The following NECTIN2 variants were observed in gnomAD, a reference collection of about 807,000 sequenced individuals.
NECTIN2 encodes the protein nectin-2.
Under a neutral mutation model 56.9 loss-of-function variants are expected in NECTIN2, and 23 were observed. The observed-to-expected ratio is 0.40, with a 90% confidence interval of 0.29 to 0.57. NECTIN2 has a LOEUF of 0.57. NECTIN2 is among the 20% of genes least tolerant of loss of function. The pLI, the probability that NECTIN2 is intolerant of heterozygous loss-of-function variation, is 0.38. For missense variants in NECTIN2, 587 were observed against 718.3 expected (o/e 0.82, Z 2.09); for synonymous variants, 302 against 313.8 (o/e 0.96, Z 0.40).
chr19:44,878,784 T>G, intron 5 of NECTIN2: 1 of 1,415,338 alleles, frequency 7.1e-7, no homozygotes, highest in Non-Finnish European at 9.2e-7. Context: ...AACAGCACAC[T>G]GGACTTCTCC....
chr19:44,877,200 C>T (rs1426665832), intron 5 of NECTIN2, among the ~76,000 whole-genome samples: 2 of 152,148 alleles, frequency 1.3e-5, no homozygotes, highest in Non-Finnish European at 2.9e-5. Flanking sequence ...CTTCCTGGGT[C>T]TCAGCCCCTC....
rs112407633 is a variant in NECTIN2 at position 44,876,473 on chromosome 19, A to G, written c.1042+1995A>G. 1.8e-3 allele frequency among the ~76,000 whole-genome samples: 273 copies of G among 152,242 alleles called. 1 individual carries two copies. The highest frequency in any genetic ancestry group is 6.3e-3 in the African/African-American group (262 of 41,540). ...CACCCCCAGCCAATAACACCATTAC[A>G]AAGACACGTGCCTTCAGATAATGCC... On this transcript the variant is annotated intron_variant, in intron 5 of 8. Coordinates refer to ENST00000252483, the MANE Select transcript of NECTIN2 (RefSeq NM_001042724.2).
At position 44,887,805 on chromosome 19, in the gene NECTIN2, T is replaced by TA. The variant is rs541037973; in HGVS notation, c.1348-304dup. ...TGCGCTCAAGGTTCAAAGGACTGTT[T>TA]AGAGCCCAAGGTTAAGTATTTGAGG... On this transcript the variant is annotated intron_variant, in intron 8 of 8. Transcript: ENST00000252483. Among the ~76,000 whole-genome samples, 13 of 152,274 alleles carry TA rather than the reference T, an allele frequency of 8.5e-5. No homozygotes were observed. In the East Asian group the frequency reaches 1.3e-3, roughly 16 times the overall value.
At chr19:44,881,953 G>T in intron 5 of NECTIN2, 1 of 335,860 alleles carries the variant, frequency 3.0e-6, no homozygotes, top group Non-Finnish European at 5.4e-6. Context: ...GCTTACTGTT[G>T]TTCTCCCTGC....
chr19:44,856,607 C>A (rs767598874), intron 1 of NECTIN2, among the ~76,000 whole-genome samples: 1 of 152,188 alleles, frequency 6.6e-6, no homozygotes, highest in South Asian at 2.1e-4. Context: ...GCCTTCCCCC[C>A]TTGCCTAGCT....
chr19:44,851,847 C>T (rs1968902636), intron 1 of NECTIN2, among the ~76,000 whole-genome samples: 1 of 152,230 alleles, frequency 6.6e-6, no homozygotes, highest in Non-Finnish European at 1.5e-5. Flanking sequence ...GACCAACCTC[C>T]TGGCTGTATC....
rs1969177054 is a variant in NECTIN2 at position 44,871,806 on chromosome 19, ATGAC to A, written c.479-44_479-41del. On this transcript the variant is annotated intron_variant, in intron 2 of 8. Transcript: ENST00000252483. ...TGCTCCTCTGCTGAGTGTTTGTTGA[ATGAC>A]TGCCGGTGAGGAGTGACGCACCCCC... 3 of 1,579,224 alleles carry A rather than the reference ATGAC, an allele frequency of 1.9e-6. No homozygotes were observed. In the African/African-American group the frequency reaches 4.1e-5, roughly 21 times the overall value.
intron 1 of NECTIN2, among the ~76,000 whole-genome samples, chr19:44,858,388 C>T (rs1368164029): frequency 6.6e-6 from 1 of 152,018 alleles, no homozygotes; most frequent in African/African-American, 2.4e-5. Flanking sequence ...TTCTATCGCC[C>T]ATGTTGGAGT....
intron 3 of NECTIN2, 104 bp downstream of exon 3, chr19:44,872,253 G>A: frequency 7.7e-7 from 1 of 1,298,868 alleles, no homozygotes; most frequent in Non-Finnish European, 1.1e-6. Flanking sequence ...TGGGTTCCCT[G>A]AAGCCAAATT....
At chr19:44,857,175 C>T (rs942235457) in intron 1 of NECTIN2, among the ~76,000 whole-genome samples, 4 of 151,264 alleles carry the variant, frequency 2.6e-5, no homozygotes, top group Non-Finnish European at 5.9e-5. Flanking sequence ...ATGGCCACCC[C>T]GGAGTGTGGA....
chr19:44,878,709 G>A (rs1361642093), intron 5 of NECTIN2: 2 of 1,506,420 alleles, frequency 1.3e-6, no homozygotes, highest in East Asian at 2.3e-5. Flanking sequence ...GGTTGGACTT[G>A]TTCGTCTGGA....
At chr19:44,870,306 G>A (rs1475830696) in intron 2 of NECTIN2, among the ~76,000 whole-genome samples, 4 of 152,142 alleles carry the variant, frequency 2.6e-5, no homozygotes, top group Non-Finnish European at 4.4e-5. Context: ...AGCTTGGAGG[G>A]CGGCCAGGAG....
chr19:44,862,272 G>C (rs949593118), intron 1 of NECTIN2, among the ~76,000 whole-genome samples: 9 of 151,486 alleles, frequency 5.9e-5, no homozygotes, highest in East Asian at 1.9e-4. Flanking sequence ...AAAATTCACT[G>C]TGTGTGGTGG....
chr19:44,867,895 A>C (rs1256930567), intron 2 of NECTIN2, among the ~76,000 whole-genome samples: 1 of 152,002 alleles, frequency 6.6e-6, no homozygotes, highest in Non-Finnish European at 1.5e-5. Flanking sequence ...ATGAGGAGTG[A>C]TTGGAGGAGT....
At chr19:44,866,009 C>A (rs189381088) in intron 2 of NECTIN2, among the ~76,000 whole-genome samples, 41 of 152,018 alleles carry the variant, frequency 2.7e-4, no homozygotes, top group African/African-American at 9.6e-4. Flanking sequence ...CCTGTCTCTA[C>A]GAAAAATAAA....
intron 3 of NECTIN2, among the ~76,000 whole-genome samples, 200 bp downstream of exon 3, chr19:44,872,349 G>A (rs980821626): frequency 6.6e-6 from 1 of 152,084 alleles, no homozygotes; most frequent in African/African-American, 2.4e-5. Context: ...TGGCTTTACT[G>A]GGTTCCTGCA....
In NECTIN2 at chr19:44,873,935, C is replaced by T; in HGVS notation, c.795C>T (p.Ile265=). The change falls in exon 4 of 9, where the codon ATC becomes ATT. Residue 265 remains isoleucine (I), a synonymous_variant. Transcript: ENST00000252483. Reference sequence around the variant, plus strand: ...CCCCAGACCCTCCTGAAGTGTCCATCTCCGGCTATGATGACAACTGGTACC... The same window carrying T: ...CCCCAGACCCTCCTGAAGTGTCCATTTCCGGCTATGATGACAACTGGTACC... ...LSVRYPPEVS[I]SGYDDNWYLG... is the part of the protein sequence containing the mutation. The T allele has an allele frequency of 2.5e-6, 4 of 1,613,992 alleles. No homozygotes were observed. The highest frequency in any genetic ancestry group is 2.2e-5 in the East Asian group (1 of 44,882).
At chr19:44,853,959 T>C (rs1365805933) in intron 1 of NECTIN2, among the ~76,000 whole-genome samples, 8 of 151,976 alleles carry the variant, frequency 5.3e-5, no homozygotes, top group Admixed American at 5.2e-4. Flanking sequence ...GTGTGTGAGA[T>C]GGTGAGAAGC....
In NECTIN2 at chr19:44,865,518, T is replaced by G. The variant is rs1376246513; in HGVS notation, c.336T>G (p.Thr112=). The change falls in exon 2 of 9, where the codon ACT becomes ACG. Residue 112 remains threonine, a synonymous_variant. Coordinates refer to ENST00000252483, the MANE Select transcript of NECTIN2 (RefSeq NM_001042724.2). This position sits in a 1 kb window ranked among gnomAD's most constrained non-coding sequence, Gnocchi z 5.2. ...RLSFVSAKQS[T]GQDTEAELQD... is the part of the protein sequence containing the mutation. ...CCTTCGTCTCTGCCAAGCAGAGCAC[T>G]GGGCAAGACACAGAGGCAGAGCTCC... 6.3e-7 allele frequency: 1 copy of G among 1,595,226 alleles called. No individual in the cohort carries two copies. Among genetic ancestry groups the G allele is most frequent in the East Asian group, 2.3e-5 (1 of 43,748 alleles).
Sources: allele counts gnomAD v4.1 joint callset (sites outside exome capture counted in the v4.1 genomes callset), GRCh38; gene constraint gnomAD v4.1.1; non-coding constraint Gnocchi (gnomAD v3.1); transcripts MANE v1.5; gene names NCBI Gene and HGNC (gene_info 2026-07-23, HGNC 2026-07-21).